CALN1: variants seen among roughly 807,000 people sequenced by gnomAD.
CALN1 encodes the protein calcium-binding protein 8.
CALN1 carries 17 observed loss-of-function variants against 30.6 expected under a neutral mutation model. That is an observed-to-expected ratio of 0.56 (90% CI 0.38 to 0.83). The LOEUF (loss-of-function observed/expected upper bound fraction) is 0.83. Ranked by LOEUF, CALN1 falls within the 40% of genes least tolerant of loss-of-function variation. The pLI is 0.00. For missense variants in CALN1, 291 were observed against 354.9 expected (o/e 0.82, Z 1.45); for synonymous variants, 156 against 131.4 (o/e 1.19, Z -1.28).
intron 2 of CALN1, among the ~76,000 whole-genome samples, chr7:72,383,587 C>A (rs1805038691): frequency 6.6e-6 from 1 of 152,166 alleles, no homozygotes; most frequent in African/African-American, 2.4e-5. Context: ...GCCGTCTTCA[C>A]TTCTGTCCCC....
chr7:72,264,567 C>A (rs748426489), intron 3 of CALN1, among the ~76,000 whole-genome samples: 1 of 151,554 alleles, frequency 6.6e-6, no homozygotes, highest in Non-Finnish European at 1.5e-5. Flanking sequence ...GATCATAGCT[C>A]ATTGCATCCT....
intron 6 of CALN1, among the ~76,000 whole-genome samples, chr7:71,806,674 A>G (rs533254130): frequency 6.6e-6 from 1 of 152,228 alleles, no homozygotes; most frequent in Admixed American, 6.5e-5. Context: ...GATATTCTTT[A>G]GGTTCTGCAT....
At chr7:71,922,884 A>G (rs956455977) in intron 5 of CALN1, among the ~76,000 whole-genome samples, 2 of 99,050 alleles carry the variant, frequency 2.0e-5, no homozygotes, top group East Asian at 2.9e-4. Context: ...ATAAACATAT[A>G]TATTAATATA....
chr7:72,414,441 C>G (rs1035503442), upstream of CALN1, among the ~76,000 whole-genome samples: 1 of 152,178 alleles, frequency 6.6e-6, no homozygotes, highest in Non-Finnish European at 1.5e-5. Flanking sequence ...TGATGCCAGA[C>G]CAGGGGTCCT....
At chr7:72,477,480 T>C in the CALN1 span, among the ~76,000 whole-genome samples, 1 of 152,164 alleles carries the variant, frequency 6.6e-6, no homozygotes, top group African/African-American at 2.4e-5. Context: ...TGCAGTGGCA[T>C]GATCATAGCT....
chr7:71,808,393 A>T (rs951597592), intron 6 of CALN1, among the ~76,000 whole-genome samples: 1 of 151,480 alleles, frequency 6.6e-6, no homozygotes, highest in African/African-American at 2.4e-5. Context: ...ATTTTATAAC[A>T]ATAAGGATTA....
chr7:72,044,373 T>C (rs1290569785), intron 4 of CALN1, among the ~76,000 whole-genome samples: 2 of 152,058 alleles, frequency 1.3e-5, no homozygotes, highest in Non-Finnish European at 2.9e-5. Context: ...CCCTGTCTTC[T>C]TTTCTGCATG....
At chr7:71,885,243 C>G (rs902590302) in intron 5 of CALN1, among the ~76,000 whole-genome samples, 2 of 151,564 alleles carry the variant, frequency 1.3e-5, no homozygotes, top group African/African-American at 2.4e-5. Context: ...CCTCTGCCTC[C>G]CAGGTTCACA....
intron 5 of CALN1, among the ~76,000 whole-genome samples, chr7:71,932,987 G>T (rs954202051): frequency 6.6e-6 from 1 of 152,046 alleles, no homozygotes; most frequent in Non-Finnish European, 1.5e-5. Context: ...GATAGTGAGG[G>T]TACAGGAGTC....
intron 5 of CALN1, among the ~76,000 whole-genome samples, chr7:71,916,239 T>C (rs1794682579): frequency 6.6e-6 from 1 of 152,046 alleles, no homozygotes; most frequent in African/African-American, 2.4e-5. Flanking sequence ...TAAACATATC[T>C]GTTAGTCAAT....
intron 3 of CALN1, among the ~76,000 whole-genome samples, chr7:72,143,145 GAGA>G (rs539908986): frequency 0.015 from 2,269 of 152,316 alleles, 57 homozygotes; most frequent in South Asian, 0.02. Context: ...GACGAGTTGA[GAGA>G]AGAAGGCTAC....
intron 3 of CALN1, among the ~76,000 whole-genome samples, chr7:72,173,314 G>A (rs1429856787): frequency 6.6e-6 from 1 of 152,008 alleles, no homozygotes; most frequent in African/African-American, 2.4e-5. Context: ...CCTTAAGGAA[G>A]ACCTAAATGA....
intron 2 of CALN1, among the ~76,000 whole-genome samples, chr7:72,366,146 CTTTTTTAT>C (rs1247693921): frequency 6.6e-6 from 1 of 151,506 alleles, no homozygotes; most frequent in Non-Finnish European, 1.5e-5. Flanking sequence ...TATTTTTTAT[CTTTTTTAT>C]TTTATTTTTA....
intron 3 of CALN1, among the ~76,000 whole-genome samples, chr7:72,249,361 A>T (rs577966437): frequency 6.6e-6 from 1 of 152,160 alleles, no homozygotes; most frequent in South Asian, 2.1e-4. Flanking sequence ...AAGCATTTCC[A>T]CTCTCCTGTG....
At chr7:72,349,935 T>G (rs1190517626) in intron 2 of CALN1, among the ~76,000 whole-genome samples, 3 of 152,230 alleles carry the variant, frequency 2.0e-5, no homozygotes, top group Non-Finnish European at 2.9e-5. Flanking sequence ...GCTCTTTAGT[T>G]GAATTAGGTC....
chr7:71,878,983 C>T (rs1466333862), intron 5 of CALN1, among the ~76,000 whole-genome samples: 3 of 152,196 alleles, frequency 2.0e-5, no homozygotes, highest in Non-Finnish European at 4.4e-5. Context: ...ATGGAACTTG[C>T]AGTTTTGACG....
chr7:71,969,929 A>T (rs528250663), intron 5 of CALN1, among the ~76,000 whole-genome samples: 1 of 151,352 alleles, frequency 6.6e-6, no homozygotes, highest in Admixed American at 6.6e-5. Flanking sequence ...GGCTCAAGTG[A>T]TCCTCCCACC....
Position 72,403,284 on chromosome 7 carries a change from G to A in CALN1, c.86C>T (p.Pro29Leu), listed in dbSNP as rs770098230. 2.1e-5 allele frequency: 33 copies of A among 1,550,230 alleles called. No individual in the cohort carries two copies. The highest frequency in any genetic ancestry group is 3.9e-5 in the Admixed American group (2 of 51,004). ...DGGALGGGEE[P>L]PRSQAPDFPT... ...GAAGTCGGGGGCCTGGCTCCTCGGCGGCTCCTCTCCCCCTCCGAGGGCTCC... is the reference window on the plus strand; with the variant it reads ...GAAGTCGGGGGCCTGGCTCCTCGGCAGCTCCTCTCCCCCTCCGAGGGCTCC... Residue 29 changes from proline (P) to leucine (L), a missense_variant, in exon 2 of 7, where the codon CCG (proline) becomes CTG (leucine). Transcript: ENST00000395275.
chr7:72,027,832 C>A (rs1315618864), intron 4 of CALN1, among the ~76,000 whole-genome samples: 1 of 150,938 alleles, frequency 6.6e-6, no homozygotes, highest in East Asian at 2.0e-4. Flanking sequence ...CCGAGGTGGG[C>A]GGATCACGAG....
Sources: gnomAD v4.1 joint callset for allele counts (sites outside exome capture counted in the v4.1 genomes callset) on GRCh38, gnomAD v4.1.1 for gene constraint, MANE v1.5 for transcripts, NCBI Gene and HGNC (gene_info 2026-07-23, HGNC 2026-07-21) for gene names.